LIPI: variants seen among roughly 807,000 people sequenced by gnomAD.
LIPI encodes the protein lipase I.
In LIPI, 59 loss-of-function variants were observed where a neutral mutation model predicts 50.6. The ratio of observed to expected loss-of-function variants is 1.16; its 90% CI spans 0.94 to 1.45. The LOEUF (loss-of-function observed/expected upper bound fraction) is 1.45, where lower values mean the gene tolerates loss of function less well. Among genes scored for constraint, LIPI ranks in the 40% most tolerant of loss-of-function variants. LIPI has a pLI of 0.00. For missense variants in LIPI, 586 were observed against 536.3 expected (o/e 1.09, Z -0.92); for synonymous variants, 203 against 178.2 (o/e 1.14, Z -1.11).
chr21:14,151,186 A>G (rs1248729636), intron 8 of LIPI, among the ~76,000 whole-genome samples: 1 of 152,164 alleles, frequency 6.6e-6, no homozygotes, highest in Non-Finnish European at 1.5e-5. Flanking sequence ...AGGTTTACCT[A>G]CTATTATGAG....
Position 14,210,795 on chromosome 21 carries a change from C to T in LIPI, c.46+5G>A, listed in dbSNP as rs1378591728. On this transcript the variant is annotated splice_donor_5th_base_variant and intron_variant, in intron 1 of 9. Coordinates refer to ENST00000681601, the MANE Select transcript of LIPI (RefSeq NM_001302998.2). ...GATAAATCAAATTATTAATTAATAT[C>T]TTACCAGATCTCACCCAGCACATCA... 5 of 1,153,898 alleles carry T rather than the reference C, an allele frequency of 4.3e-6. No individual in the cohort carries two copies. Among genetic ancestry groups the T allele is most frequent in the Non-Finnish European group, 5.6e-6 (5 of 894,566 alleles). The allele number at this position is 1,153,898 out of a possible 1,614,324, so 71.5% of individuals were successfully genotyped here.
chr21:14,135,830 G>T (rs1283581442), intron 9 of LIPI, among the ~76,000 whole-genome samples: 4 of 152,278 alleles, frequency 2.6e-5, no homozygotes, highest in Admixed American at 1.3e-4. Context: ...AGTTAGGGAA[G>T]TTAAGGGAGT....
At chr21:14,121,876 G>A (rs1327945225) in intron 9 of LIPI, among the ~76,000 whole-genome samples, 1 of 152,182 alleles carries the variant, frequency 6.6e-6, no homozygotes. Context: ...ACCAGAGGCT[G>A]GTTGGTAAAT....
intron 9 of LIPI, among the ~76,000 whole-genome samples, chr21:14,129,555 A>G (rs975540089): frequency 6.6e-6 from 1 of 152,026 alleles, no homozygotes; most frequent in Non-Finnish European, 1.5e-5. Flanking sequence ...ACTTCTAGGC[A>G]AACTAAAGAG....
At chr21:14,117,416 A>G (rs187060480) in intron 9 of LIPI, among the ~76,000 whole-genome samples, 152 of 152,344 alleles carry the variant, frequency 1.0e-3, no homozygotes, top group Non-Finnish European at 7.2e-4. Context: ...CTAGAAAGCA[A>G]CACCCCAGTA....
In LIPI at chr21:14,181,816, A is replaced by C; in HGVS notation, c.585T>G (p.Tyr195Ter). The C allele has an allele frequency of 3.1e-6, 5 of 1,612,680 alleles. No individual in the cohort carries two copies. The highest frequency in any genetic ancestry group is 4.2e-6 in the Non-Finnish European group (5 of 1,178,964). ...AGPRFSRKPP[Y>*]SRLDYTDAKF... ...TTGCATCCGTGTAATCTAATCTGCT[A>C]TATGGTGGTTTTCTGGAGAACCTTG... Residue 195 changes from tyrosine to a stop codon, truncating the protein, a stop_gained, in exon 4 of 10, where the codon TAT becomes TAG. Transcript: ENST00000681601. LOFTEE classifies it high-confidence loss of function.
At chr21:14,199,919 T>C (rs1300771586) in intron 1 of LIPI, among the ~76,000 whole-genome samples, 3 of 152,084 alleles carry the variant, frequency 2.0e-5, no homozygotes, top group Admixed American at 6.6e-5. Flanking sequence ...CAAGTAGGCT[T>C]TATCCCTGAG....
rs540640872 is a variant in LIPI, at chr21:14,188,232, T to C, written c.432+802A>G. Among the ~76,000 whole-genome samples, 3 of 152,324 alleles carry C rather than the reference T, an allele frequency of 2.0e-5. No individual in the cohort carries two copies. In the East Asian group the frequency reaches 5.8e-4, roughly 29 times the overall value. On this transcript the variant is annotated intron_variant, in intron 2 of 9. Transcript: ENST00000681601. ...AATTTTATTTGATCCATTCAAATCC[T>C]GAGCAGACTTGAATGAATCTGATGT...
chr21:14,159,836 A>G (rs1455795966), intron 7 of LIPI, among the ~76,000 whole-genome samples: 1 of 151,430 alleles, frequency 6.6e-6, no homozygotes, highest in Non-Finnish European at 1.5e-5. Context: ...TCATTACTAT[A>G]TACCAACATT....
intron 1 of LIPI, among the ~76,000 whole-genome samples, 154 bp from the exon 2 acceptor site, chr21:14,189,573 A>G (rs1438965760): frequency 6.6e-6 from 1 of 152,192 alleles, no homozygotes; most frequent in Non-Finnish European, 1.5e-5. Flanking sequence ...TGTTGAAGGT[A>G]ATGTATTAAT....
chr21:14,113,792 T>A (rs1464226176), intron 9 of LIPI, among the ~76,000 whole-genome samples: 1 of 152,200 alleles, frequency 6.6e-6, no homozygotes, highest in African/African-American at 2.4e-5. Flanking sequence ...CAGCATGGCT[T>A]GGAAGGCCTC....
chr21:14,203,040 T>C (rs1283576871), intron 1 of LIPI, among the ~76,000 whole-genome samples: 1 of 152,036 alleles, frequency 6.6e-6, no homozygotes, highest in Non-Finnish European at 1.5e-5. Context: ...AACAGACACT[T>C]CTCAAAAGAA....
chr21:14,133,758 T>G (rs2017386074), intron 9 of LIPI, among the ~76,000 whole-genome samples: 3 of 152,100 alleles, frequency 2.0e-5, no homozygotes, highest in Admixed American at 1.3e-4. Context: ...ACTCTTAAAT[T>G]TAATAAGTGA....
intron 2 of LIPI, among the ~76,000 whole-genome samples, 182 bp downstream of exon 2, chr21:14,188,852 T>C (rs181660562): frequency 1.2e-3 from 177 of 152,292 alleles, no homozygotes; most frequent in African/African-American, 4.1e-3. Flanking sequence ...ATTATTCATT[T>C]AGGCAGACAA....
At chr21:14,206,679 GT>G (rs2020234596) in intron 1 of LIPI, 4 of 612,562 alleles carry the variant, frequency 6.5e-6, no homozygotes. Flanking sequence ...AAACGGATTT[GT>G]TAACAACAAC....
chr21:14,186,131 C>G, intron 2 of LIPI, 62 bp from the exon 3 acceptor site: 1 of 898,206 alleles, frequency 1.1e-6, no homozygotes, highest in South Asian at 1.3e-5. Context: ...AATCATGCCC[C>G]CCTCATATAT....
chr21:14,108,857 G>T lies in LIPI; in HGVS notation c.*136C>A. On this transcript the variant is annotated 3_prime_UTR_variant, in exon 10 of 10. Coordinates refer to ENST00000681601, the MANE Select transcript of LIPI (RefSeq NM_001302998.2). ...TGCATTTTTTATTTTCTTTATTTTT[G>T]ATTCTTAAAATTTTTTCCAAGAAAT... 2.0e-6 allele frequency: 2 copies of T among 1,007,854 alleles called. No individual in the cohort carries two copies. The highest frequency in any genetic ancestry group is 1.5e-5 in the South Asian group (1 of 67,656). 62.4% of individuals were successfully genotyped at this position (1,007,854 alleles called of 1,614,324 possible). A position where few individuals can be genotyped will look rare whatever the true frequency, so the allele number is the denominator to read the frequency against.
intron 1 of LIPI, among the ~76,000 whole-genome samples, chr21:14,200,100 C>A (rs906258069): frequency 6.6e-6 from 1 of 151,864 alleles, no homozygotes; most frequent in African/African-American, 2.4e-5. Context: ...AAGGAACATG[C>A]CTCAAGATAA....
chr21:14,153,676 T>C (rs1279646713), intron 7 of LIPI, among the ~76,000 whole-genome samples: 1 of 152,088 alleles, frequency 6.6e-6, no homozygotes, highest in Non-Finnish European at 1.5e-5. Context: ...GAGCCTGTTG[T>C]AGCATGAAGA....
Sources: gnomAD v4.1 joint callset for allele counts (sites outside exome capture counted in the v4.1 genomes callset) on GRCh38, gnomAD v4.1.1 for gene constraint, MANE v1.5 for transcripts, NCBI Gene and HGNC (gene_info 2026-07-23, HGNC 2026-07-21) for gene names.